Variants in LAMC1 observed in about 807,000 individuals in gnomAD.
LAMC1 encodes the protein laminin subunit gamma 1, also known as laminin subunit gamma-1.
Under a neutral mutation model 173.6 loss-of-function variants are expected in LAMC1, and 38 were observed. The observed-to-expected ratio is 0.22, with a 90% CI of 0.17 to 0.29. The LOEUF is 0.29. LAMC1 is among the 10% of genes least tolerant of loss of function. LAMC1 has a pLI of 1.00. For missense variants in LAMC1, 1,824 were observed against 2,051.8 expected, an observed-to-expected ratio of 0.89 and a Z score of 2.14; for synonymous variants, 746 against 749.1, an observed-to-expected ratio of 1.00 and a Z score of 0.07.
intron 1 of LAMC1, among the ~76,000 whole-genome samples, chr1:183,087,648 G>A (rs1444915905): frequency 6.6e-6 from 1 of 152,010 alleles, no homozygotes; most frequent in African/African-American, 2.4e-5. Flanking sequence ...GAGTTCTTCT[G>A]GAAAGCCAGA....
intron 25 of LAMC1, 136 bp downstream of exon 25, chr1:183,136,721 T>A: frequency 1.1e-5 from 1 of 92,200 alleles, no homozygotes; most frequent in Non-Finnish European, 2.0e-5. Flanking sequence ...CATATTTGTC[T>A]TTTTTTTTTT....
intron 1 of LAMC1, among the ~76,000 whole-genome samples, chr1:183,034,681 T>G (rs961901780): frequency 2.0e-5 from 3 of 152,130 alleles, no homozygotes; most frequent in Admixed American, 6.5e-5. Flanking sequence ...GTAATAGACA[T>G]GAGTGTAGGG....
chr1:183,035,694 G>A (rs972566186), intron 1 of LAMC1, among the ~76,000 whole-genome samples: 1 of 152,090 alleles, frequency 6.6e-6, no homozygotes. Flanking sequence ...TATGCCAAGC[G>A]GAAAAGTTAG....
At chr1:183,061,062 G>A (rs1454402216) in intron 1 of LAMC1, among the ~76,000 whole-genome samples, 2 of 152,140 alleles carry the variant, frequency 1.3e-5, no homozygotes, top group African/African-American at 4.8e-5. Context: ...AGTTATTGTA[G>A]CAATCCAGAT....
chr1:183,091,124 T>TC (rs1306655022), intron 1 of LAMC1, among the ~76,000 whole-genome samples: 1 of 152,154 alleles, frequency 6.6e-6, no homozygotes, highest in Non-Finnish European at 1.5e-5. Context: ...TGCTTTTTTT[T>TC]CACGATAGTA....
At chr1:183,122,406 C>T (rs2102091792) in intron 13 of LAMC1, among the ~76,000 whole-genome samples, 155 bp downstream of exon 13, 1 of 152,276 alleles carries the variant, frequency 6.6e-6, no homozygotes, top group African/African-American at 2.4e-5. Flanking sequence ...TCCTTGTTTC[C>T]TTCCATCTCT....
Position 183,024,257 on chromosome 1 carries a change from C to A in LAMC1, c.418+123C>A, listed in dbSNP as rs950162919. On this transcript the variant is annotated intron_variant, in intron 1 of 27. Transcript: ENST00000258341. Reference sequence around the variant, plus strand: ...CGCGTGTTTGCTCTCTGTTCCCCGGCATGGGCCACACAGAAACTCCTTTCT... The same window carrying A: ...CGCGTGTTTGCTCTCTGTTCCCCGGAATGGGCCACACAGAAACTCCTTTCT... 47 of 911,634 alleles carry A rather than the reference C, an allele frequency of 5.2e-5. No homozygotes were observed. The Middle Eastern group carries it at 1.2e-3, about 24-fold the overall frequency. The allele number at this position is 911,634 out of a possible 1,614,324, so 56.5% of individuals were successfully genotyped here. A position where few individuals can be genotyped will look rare whatever the true frequency, so the allele number is the denominator to read the frequency against.
chr1:183,034,345 A>G (rs1653920234), intron 1 of LAMC1, among the ~76,000 whole-genome samples: 1 of 152,102 alleles, frequency 6.6e-6, no homozygotes, highest in African/African-American at 2.4e-5. Context: ...ATCTAAGCTC[A>G]CTGCAACCTC....
intron 1 of LAMC1, among the ~76,000 whole-genome samples, chr1:183,076,069 C>G (rs951823698): frequency 1.3e-5 from 2 of 152,188 alleles, no homozygotes; most frequent in Non-Finnish European, 2.9e-5. Context: ...CTGCAGCTGT[C>G]ATAAGCAATG....
At chr1:183,034,147 A>G (rs1250779553) in intron 1 of LAMC1, among the ~76,000 whole-genome samples, 3 of 152,244 alleles carry the variant, frequency 2.0e-5, no homozygotes, top group Non-Finnish European at 2.9e-5. Context: ...GTTCACTCAG[A>G]CATTATAGTA....
chr1:183,105,635 T>TAA (rs5779154), intron 2 of LAMC1, among the ~76,000 whole-genome samples: 86 of 149,930 alleles, frequency 5.7e-4, no homozygotes, highest in Non-Finnish European at 1.1e-3. Flanking sequence ...ACCTTGCATT[T>TAA]AAAAAAAAAA....
intron 24 of LAMC1, 90 bp downstream of exon 24, chr1:183,135,246 C>T (rs1656905256): frequency 5.3e-6 from 4 of 751,864 alleles, no homozygotes; most frequent in Non-Finnish European, 9.1e-6. Flanking sequence ...TTTATTACTT[C>T]ATCCCCAACT....
chr1:183,038,617 A>G (rs1340956344), intron 1 of LAMC1, among the ~76,000 whole-genome samples: 1 of 152,208 alleles, frequency 6.6e-6, no homozygotes, highest in African/African-American at 2.4e-5. Flanking sequence ...AGCATGATGA[A>G]ATGAGCTGAA....
intron 1 of LAMC1, among the ~76,000 whole-genome samples, chr1:183,067,261 AAAAT>A (rs1654898136): frequency 6.6e-6 from 1 of 152,166 alleles, no homozygotes. Context: ...GAAATTAAAA[AAAAT>A]CTTTCATCTG....
chr1:183,098,464 G>A (rs912044498), intron 1 of LAMC1, among the ~76,000 whole-genome samples: 12 of 152,190 alleles, frequency 7.9e-5, no homozygotes, highest in Admixed American at 3.3e-4. Flanking sequence ...TGGCAGAGGG[G>A]ATGCTGAATG....
chr1:183,110,853 T>G (rs1656128563), intron 4 of LAMC1, among the ~76,000 whole-genome samples, 199 bp downstream of exon 4: 1 of 152,234 alleles, frequency 6.6e-6, no homozygotes, highest in African/African-American at 2.4e-5. Flanking sequence ...GAGGGTTTTG[T>G]GTTTCCTTCA....
In LAMC1 at chr1:183,130,392, T is replaced by C; in HGVS notation, c.3329T>C (p.Leu1110Pro). Residue 1110 changes from leucine to proline, a missense_variant, in exon 19 of 28, where the codon CTG (leucine) becomes CCG (proline). By Grantham distance (98) the Leu-to-Pro change is moderately conservative. Coordinates refer to ENST00000258341, the MANE Select transcript of LAMC1 (RefSeq NM_002293.4). ...MDRLQRVNNT[L>P]SSQISRLQNI... is the part of the protein sequence containing the mutation. ...CGCCTACAGAGAGTGAATAACACTC[T>C]GTCCAGCCAAATTAGCCGTTTACAG... is the stretch of plus-strand genomic sequence containing the variant. 1 of 1,614,254 alleles carries C rather than the reference T, an allele frequency of 6.2e-7. No individual in the cohort carries two copies. Among genetic ancestry groups the C allele is most frequent in the Non-Finnish European group, 8.5e-7 (1 of 1,180,038 alleles).
At chr1:183,075,126 CTT>C (rs34893443) in intron 1 of LAMC1, among the ~76,000 whole-genome samples, 8 of 135,780 alleles carry the variant, frequency 5.9e-5, no homozygotes, top group Admixed American at 7.4e-5. Flanking sequence ...CTGATGTGGG[CTT>C]TTTTTTTTTT....
rs1283205192 is a variant in LAMC1, at chr1:183,103,604, A to T, written c.695A>T (p.Tyr232Phe). ...ACCCTGGAAGGAAGGCCCAGCGCCT[A>T]TAACTTTGACAATAGCCCTGTGCTG... ...FSTLEGRPSAYNFDNSPVLQE... is the reference protein window; with the variant it reads ...FSTLEGRPSAFNFDNSPVLQE... Residue 232 changes from tyrosine to phenylalanine, a missense_variant, in exon 2 of 28, where the codon TAT becomes TTT. Tyr to Phe is a conservative substitution (Grantham distance 22, BLOSUM62 3). Coordinates refer to ENST00000258341, the MANE Select transcript of LAMC1 (RefSeq NM_002293.4). The T allele has an allele frequency of 6.3e-7, 1 of 1,580,440 alleles. No homozygotes were observed.
Sources: gnomAD v4.1 joint callset for allele counts (sites outside exome capture counted in the v4.1 genomes callset) on GRCh38, gnomAD v4.1.1 for gene constraint, MANE v1.5 for transcripts, NCBI Gene and HGNC (gene_info 2026-07-23, HGNC 2026-07-21) for gene names.